The following DLG2 variants were observed in gnomAD, a reference collection of about 807,000 sequenced individuals.
The protein encoded by DLG2 is discs large MAGUK scaffold protein 2.
A neutral mutation model predicts 132.5 loss-of-function variants in DLG2; 45 were observed. That is an observed-to-expected ratio of 0.34 (90% CI 0.27 to 0.44). DLG2 has a LOEUF of 0.44. Among genes scored for constraint, DLG2 ranks in the 20% least tolerant of loss-of-function variants. DLG2 has a pLI of 1.00. For synonymous variants in DLG2, 424 were observed against 419.6 expected, an observed-to-expected ratio of 1.01 and a Z score of -0.13; for missense variants, 1,045 against 1,196.9, an observed-to-expected ratio of 0.87 and a Z score of 1.87.
In DLG2 at chr11:84,778,577, G is replaced by A. The variant is rs190765942; in HGVS notation, c.358-243846C>T. 1.3e-3 allele frequency among the ~76,000 whole-genome samples: 200 copies of A among 152,208 alleles called. 2 individuals are homozygous for A. Among genetic ancestry groups the A allele is most frequent in the Non-Finnish European group, 1.6e-3 (108 of 67,992 alleles). ...TTAACAATATTAATTCTTCCAGTCC[G>A]TGAGAATGAGATTTTTTATTTGTGT... On this transcript the variant is annotated intron_variant, in intron 6 of 27. Transcript: ENST00000376104.
rs182175899 is a variant in DLG2, at chr11:85,398,651, C to T, written c.41-113286G>A. Among the ~76,000 whole-genome samples the T allele has an allele frequency of 2.9e-3, 446 of 152,004 alleles. 1 individual carries two copies. The highest frequency in any genetic ancestry group is 0.01 in the African/African-American group (431 of 41,510). ...ACCATCAGAGAATACTATAAACATC[C>T]CTACACAACTAAACTAGAAAATCTA... On this transcript the variant is annotated intron_variant, in intron 3 of 27. Coordinates refer to ENST00000376104, the MANE Select transcript of DLG2 (RefSeq NM_001142699.3).
chr11:84,661,454 G>C (rs2099694376), intron 6 of DLG2, among the ~76,000 whole-genome samples: 1 of 152,112 alleles, frequency 6.6e-6, no homozygotes, highest in Non-Finnish European at 1.5e-5. Context: ...AGTTGAAATA[G>C]ACCTAATGCT....
At chr11:84,404,081 C>T (rs1014881488) in intron 7 of DLG2, among the ~76,000 whole-genome samples, 26 of 152,020 alleles carry the variant, frequency 1.7e-4, no homozygotes, top group Admixed American at 6.6e-4. Flanking sequence ...ATTGCTTTAC[C>T]GTGTTTATAA....
chr11:84,034,910 C>T (rs926715377), intron 11 of DLG2, among the ~76,000 whole-genome samples: 1 of 152,104 alleles, frequency 6.6e-6, no homozygotes, highest in African/African-American at 2.4e-5. Flanking sequence ...AATAAATTAC[C>T]TCATGCCTCT....
intron 7 of DLG2, among the ~76,000 whole-genome samples, chr11:84,519,049 G>C (rs963167844): frequency 2.8e-4 from 43 of 152,134 alleles, no homozygotes; most frequent in African/African-American, 1.0e-3. Flanking sequence ...TTTGCAGGCT[G>C]ATTTATAAGC....
rs756046718 is a variant in DLG2 at position 83,469,393 on chromosome 11, ATAAAAT to A, written c.2447-26_2447-21del. The A allele has an allele frequency of 1.9e-5, 30 of 1,596,652 alleles. 1 individual carries two copies. The African/African-American group carries it at 3.0e-4, about 16-fold the overall frequency. ...TAGTATCTTTATAAAACAAAAAATGATAAAATTAAGGTGCATTTATACCCATAAACT... is the reference window on the plus strand; with the variant it reads ...TAGTATCTTTATAAAACAAAAAATGATAAGGTGCATTTATACCCATAAACT... On this transcript the variant is annotated intron_variant, in intron 24 of 27. Coordinates refer to ENST00000376104, the MANE Select transcript of DLG2 (RefSeq NM_001142699.3).
In DLG2 at chr11:84,627,673, A is replaced by G. The variant is rs538738617; in HGVS notation, c.358-92942T>C. Among the ~76,000 whole-genome samples the G allele has an allele frequency of 5.6e-4, 85 of 152,336 alleles. 1 individual carries two copies. In the South Asian group the frequency reaches 0.017, roughly 30 times the overall value. ...ATAAATACCTGAGACTGGGTAATTTATAAAGAAAAGAAGTTTAATTGGCTT... is the reference window on the plus strand; with the variant it reads ...ATAAATACCTGAGACTGGGTAATTTGTAAAGAAAAGAAGTTTAATTGGCTT... On this transcript the variant is annotated intron_variant, in intron 6 of 27. Transcript: ENST00000376104.
chr11:84,973,295 G>A (rs1045310685), intron 6 of DLG2, among the ~76,000 whole-genome samples: 1 of 152,142 alleles, frequency 6.6e-6, no homozygotes, highest in Non-Finnish European at 1.5e-5. Context: ...ATAGTGACAT[G>A]AGAATATCTT....
At chr11:83,673,834 G>A (rs2077251717) in intron 18 of DLG2, among the ~76,000 whole-genome samples, 1 of 152,168 alleles carries the variant, frequency 6.6e-6, no homozygotes, top group African/African-American at 2.4e-5. Context: ...GTAAACAAAT[G>A]GAGAATTTTG....
intron 11 of DLG2, among the ~76,000 whole-genome samples, chr11:84,032,519 T>C (rs1047359020): frequency 3.9e-5 from 6 of 152,120 alleles, no homozygotes; most frequent in African/African-American, 1.4e-4. Context: ...AGAGGTTAAT[T>C]TGTGAAGTTT....
At chr11:83,927,078 T>C (rs1429828668) in intron 15 of DLG2, among the ~76,000 whole-genome samples, 1 of 152,174 alleles carries the variant, frequency 6.6e-6, no homozygotes, top group East Asian at 1.9e-4. Context: ...AGTAGTTTTA[T>C]ATACCTACTA....
intron 3 of DLG2, among the ~76,000 whole-genome samples, chr11:85,306,369 C>T (rs1845793386): frequency 6.6e-6 from 1 of 152,092 alleles, no homozygotes. Flanking sequence ...AAATGCCTGA[C>T]CCAAGTAGGA....
intron 6 of DLG2, among the ~76,000 whole-genome samples, chr11:84,564,616 T>C (rs754096842): frequency 5.3e-5 from 8 of 152,220 alleles, no homozygotes; most frequent in Non-Finnish European, 1.0e-4. Context: ...AATATTTATA[T>C]ATGGTTTTTC....
At chr11:85,397,488 T>G (rs759942079) in intron 3 of DLG2, among the ~76,000 whole-genome samples, 1 of 152,134 alleles carries the variant, frequency 6.6e-6, no homozygotes, top group African/African-American at 2.4e-5. Context: ...ATTGGCAAAT[T>G]GGATAAAGAA....
intron 18 of DLG2, among the ~76,000 whole-genome samples, chr11:83,670,359 A>T (rs987087885): frequency 2.0e-5 from 3 of 147,262 alleles, no homozygotes; most frequent in Non-Finnish European, 4.5e-5. Flanking sequence ...GTTTCAGGCC[A>T]AGGCTAGGTT....
At chr11:83,892,052 G>T (rs1439683962) in intron 15 of DLG2, among the ~76,000 whole-genome samples, 6 of 152,092 alleles carry the variant, frequency 3.9e-5, no homozygotes, top group Non-Finnish European at 8.8e-5. Context: ...AAGGCCAATT[G>T]TTCAGTTCCC....
intron 6 of DLG2, among the ~76,000 whole-genome samples, chr11:84,736,098 T>C (rs2063795305): frequency 6.6e-6 from 1 of 151,892 alleles, no homozygotes. Context: ...TGGATCCAAG[T>C]TCATTTTTTT....
intron 10 of DLG2, among the ~76,000 whole-genome samples, chr11:84,097,212 C>G (rs1595162363): frequency 6.6e-6 from 1 of 152,152 alleles, no homozygotes; most frequent in South Asian, 2.1e-4. Context: ...TTCTCTGGGT[C>G]CTATTCTCAA....
intron 3 of DLG2, among the ~76,000 whole-genome samples, chr11:85,305,297 C>G (rs928720801): frequency 6.6e-6 from 1 of 152,170 alleles, no homozygotes; most frequent in African/African-American, 2.4e-5. Context: ...ACTGTGGTAA[C>G]TTGGCTTTAG....
Sources: allele counts gnomAD v4.1 joint callset (sites outside exome capture counted in the v4.1 genomes callset), GRCh38; gene constraint gnomAD v4.1.1; transcripts MANE v1.5; gene names NCBI Gene and HGNC (gene_info 2026-07-23, HGNC 2026-07-21).